The following NICN1 variants were observed in gnomAD, a reference collection of about 807,000 sequenced individuals.
NICN1 encodes the protein nicolin-1.
A neutral mutation model predicts 26.3 loss-of-function variants in NICN1; 18 were observed. That is an observed-to-expected ratio of 0.68 (90% CI 0.47 to 1.01). NICN1 has a LOEUF of 1.01. Among genes scored for constraint, NICN1 ranks in the 50% least tolerant of loss-of-function variants. The pLI, the probability that NICN1 is intolerant of heterozygous loss-of-function variation, is 0.00. For synonymous variants in NICN1, 109 were observed against 111.0 expected (o/e 0.98, Z 0.11); for missense variants, 239 against 278.3 (o/e 0.86, Z 1.00).
At position 49,424,960 on chromosome 3, in the gene NICN1, C is replaced by A. The variant is rs775251872; in HGVS notation, c.589G>T (p.Gly197Cys). 2.5e-6 allele frequency: 4 copies of A among 1,614,042 alleles called. No individual in the cohort carries two copies. Among genetic ancestry groups the A allele is most frequent in the Middle Eastern group, 1.7e-4 (1 of 6,058 alleles). ...AAGCGATTACTTACATCAAAGCGGC[C>A]GATCCTTGCGGAGGTGTGACTGGCC... ...IRASHTSARI[G>C]RFDVDGCYDL... is the part of the protein sequence containing the mutation. The change falls in exon 5 of 6, where the codon GGC becomes TGC. Residue 197 changes from glycine (G) to cysteine (C), a missense_variant. By Grantham distance (159) the Gly-to-Cys change is radical (BLOSUM62 -3). Coordinates refer to ENST00000273598, the MANE Select transcript of NICN1 (RefSeq NM_032316.3).
At chr3:49,428,091 G>C (rs1175631072) in intron 1 of NICN1, among the ~76,000 whole-genome samples, 6 of 151,632 alleles carry the variant, frequency 4.0e-5, no homozygotes, top group Non-Finnish European at 8.8e-5. Context: ...GTGATGGTGG[G>C]TGCCTGTAAT....
At chr3:49,427,692 T>TA (rs2049186567) in intron 1 of NICN1, among the ~76,000 whole-genome samples, 1 of 146,558 alleles carries the variant, frequency 6.8e-6, no homozygotes, top group Non-Finnish European at 1.5e-5. Context: ...AAGTAGCATA[T>TA]ACAAATAATT....
rs775112005 is a variant in NICN1 at position 49,422,408 on chromosome 3, G to A, written c.*2425C>T. 5.0e-6 allele frequency: 8 copies of A among 1,613,716 alleles called. No homozygotes were observed. The highest frequency in any genetic ancestry group is 6.8e-6 in the Non-Finnish European group (8 of 1,180,026). On this transcript the variant is annotated 3_prime_UTR_variant, in exon 6 of 6. Transcript: ENST00000273598. ...CACAAGGCCGGGGGGAATGCCTGCA[G>A]GCGAAAGCCCAGACGGGCCACCACA...
chr3:49,425,409 G>A lies in NICN1; in HGVS notation c.453C>T (p.Leu151=), dbSNP rs1168219699. The change falls in exon 4 of 6, where the codon CTC becomes CTT. Residue 151 remains leucine, a synonymous_variant. Transcript: ENST00000273598. ...KSPSVTFPKW[L]SHPVPCEQPA... ...GTTGCTCACAGGGCACTGGGTGGGA[G>A]AGCCACTTGGGAAAGGTCACGGAGG... 2 of 1,613,204 alleles carry A rather than the reference G, an allele frequency of 1.2e-6. No individual in the cohort carries two copies. The highest frequency in any genetic ancestry group is 1.7e-6 in the Non-Finnish European group (2 of 1,179,800).
At chr3:49,427,742 C>T (rs990062103) in intron 1 of NICN1, among the ~76,000 whole-genome samples, 1 of 151,946 alleles carries the variant, frequency 6.6e-6, no homozygotes, top group African/African-American at 2.4e-5. Context: ...CTGGAACAGC[C>T]AGTGATTCAG....
In NICN1 at chr3:49,429,296, CT is replaced by C; in HGVS notation, c.-58del. 1 of 1,521,680 alleles carries C rather than the reference CT, an allele frequency of 6.6e-7. No individual in the cohort carries two copies. Among genetic ancestry groups the C allele is most frequent in the Non-Finnish European group, 8.9e-7 (1 of 1,129,852 alleles). The allele number at this position is 1,521,680 out of a possible 1,614,324, so 94.3% of individuals were successfully genotyped here. ...CGCTCTAGGCCCCCGACCACCAGCC[CT>C]TCCCGGCATCCTCAGCCGAGCCTCA... On this transcript the variant is annotated 5_prime_UTR_variant, in exon 1 of 6. Transcript: ENST00000273598.
In NICN1 at chr3:49,429,285, G is replaced by T; in HGVS notation, c.-46C>A. On this transcript the variant is annotated 5_prime_UTR_variant, in exon 1 of 6. Coordinates refer to ENST00000273598, the MANE Select transcript of NICN1 (RefSeq NM_032316.3). ...AGTGCAACCGCCGCTCTAGGCCCCC[G>T]ACCACCAGCCCTTCCCGGCATCCTC... The T allele has an allele frequency of 6.5e-7, 1 of 1,545,372 alleles. No homozygotes were observed. Among genetic ancestry groups the T allele is most frequent in the South Asian group, 1.2e-5 (1 of 83,952 alleles).
chr3:49,426,766 G>A (rs2049173626), intron 1 of NICN1, among the ~76,000 whole-genome samples: 1 of 152,040 alleles, frequency 6.6e-6, no homozygotes, highest in African/African-American at 2.4e-5. Context: ...CTGACCTTAG[G>A]TGATCCACCT....
chr3:49,428,331 C>G (rs1361275161), intron 1 of NICN1, among the ~76,000 whole-genome samples: 1 of 152,090 alleles, frequency 6.6e-6, no homozygotes, highest in East Asian at 1.9e-4. Flanking sequence ...TGTCCAGTCA[C>G]TCTATCAACT....
At chr3:49,425,138 G>C in intron 4 of NICN1, 85 bp from the exon 5 acceptor site, 1 of 1,142,848 alleles carries the variant, frequency 8.8e-7, no homozygotes, top group African/African-American at 1.5e-5. Flanking sequence ...TGGGCTAGGG[G>C]CCCTCCAGCT....
Position 49,429,156 on chromosome 3 carries a change from A to T in NICN1, c.84T>A (p.Pro28=), listed in dbSNP as rs751327956. The stretch of plus-strand genomic sequence containing the variant: ...AGGTGACATCGATGACCAGCACGCC[A>T]GGCCGGCCTTGGGAGGTCCGCACGT... The part of the protein sequence containing the change: ...VGDVRTSQGR[P]GVLVIDVTFP... Residue 28 remains proline, a synonymous_variant, in exon 1 of 6, where the codon CCT becomes CCA. Transcript: ENST00000273598. The T allele has an allele frequency of 6.2e-7, 1 of 1,611,220 alleles. No individual in the cohort carries two copies. The highest frequency in any genetic ancestry group is 1.1e-5 in the South Asian group (1 of 90,882).
intron 1 of NICN1, among the ~76,000 whole-genome samples, chr3:49,427,262 A>G (rs1308410220): frequency 1.3e-5 from 2 of 150,808 alleles, no homozygotes; most frequent in African/African-American, 4.9e-5. Flanking sequence ...CGGAGCTTGC[A>G]GTGAGCTGAG....
At chr3:49,428,646 G>A (rs1049054710) in intron 1 of NICN1, among the ~76,000 whole-genome samples, 3 of 151,168 alleles carry the variant, frequency 2.0e-5, no homozygotes, top group South Asian at 4.2e-4. Context: ...GCTTGAACCC[G>A]GGAGGCAGAG....
intron 1 of NICN1, 30 bp from the exon 2 acceptor site, chr3:49,426,458 T>G (rs779533283): frequency 6.2e-7 from 1 of 1,600,066 alleles, no homozygotes; most frequent in Admixed American, 1.7e-5. Context: ...TTACAACAAG[T>G]CAGACCCAGG....
At chr3:49,425,854 G>A (rs6446272) in intron 3 of NICN1, 29 bp downstream of exon 3, 381,197 of 1,274,590 alleles carry the variant, frequency 0.3, 60,754 homozygotes, top group Middle Eastern at 0.32. Context: ...TGGGGAAAGG[G>A]CCAGCCAGCA....
intron 4 of NICN1, 27 bp from the exon 5 acceptor site, chr3:49,425,080 C>T (rs1247226320): frequency 6.3e-7 from 1 of 1,583,426 alleles, no homozygotes; most frequent in Non-Finnish European, 8.7e-7. Context: ...GGTCAGTGGC[C>T]ATGGGTCTCT....
chr3:49,425,109 G>T, intron 4 of NICN1, 56 bp from the exon 5 acceptor site: 1 of 1,479,816 alleles, frequency 6.8e-7, no homozygotes, highest in Admixed American at 1.7e-5. Flanking sequence ...GTGCCCTTCA[G>T]GCTCCAGAGA....
In NICN1 at chr3:49,422,750, G is replaced by A; in HGVS notation, c.*2083C>T. 1.9e-6 allele frequency: 1 copy of A among 517,244 alleles called. No individual in the cohort carries two copies. Among genetic ancestry groups the A allele is most frequent in the South Asian group, 2.0e-5 (1 of 51,256 alleles). The allele number at this position is 517,244 out of a possible 1,614,324, so 32.0% of individuals were successfully genotyped here. A position where few individuals can be genotyped will look rare whatever the true frequency, so the allele number is the denominator to read the frequency against. ...AGACCGCCCCCTGCAGAACCGCCCT[G>A]TCTCCAGAGGGTCAAAGTTCTGGAA... On this transcript the variant is annotated 3_prime_UTR_variant, in exon 6 of 6. Coordinates refer to ENST00000273598, the MANE Select transcript of NICN1 (RefSeq NM_032316.3).
chr3:49,423,047 A>G lies in NICN1; in HGVS notation c.*1786T>C, dbSNP rs1302678498. The G allele has an allele frequency of 5.1e-6, 1 of 197,252 alleles. No individual in the cohort carries two copies. Among genetic ancestry groups the G allele is most frequent in the Non-Finnish European group, 1.1e-5 (1 of 93,728 alleles). 12.2% of individuals were successfully genotyped at this position (197,252 alleles called of 1,614,324 possible). On this transcript the variant is annotated 3_prime_UTR_variant, in exon 6 of 6. Transcript: ENST00000273598. ...TCCCTGCTACCACAAGGTCCTCTTCACTTACACACACACTGAGGACTACTG... is the reference window on the plus strand; with the variant it reads ...TCCCTGCTACCACAAGGTCCTCTTCGCTTACACACACACTGAGGACTACTG...
Sources: allele counts gnomAD v4.1 joint callset (sites outside exome capture counted in the v4.1 genomes callset), GRCh38; gene constraint gnomAD v4.1.1; transcripts MANE v1.5; gene names NCBI Gene and HGNC (gene_info 2026-07-23, HGNC 2026-07-21).